WFDC8: variants seen among roughly 807,000 people sequenced by gnomAD.
WFDC8 encodes the protein WAP four-disulfide core domain 8.
In WFDC8, 24 loss-of-function variants were observed where a neutral mutation model predicts 27.0. The observed-to-expected ratio is 0.89, with a 90% CI of 0.64 to 1.25. The LOEUF is 1.25. WFDC8 is among the 50% of genes most tolerant of loss of function. WFDC8 has a pLI of 0.00. For synonymous variants in WFDC8, 106 were observed against 99.7 expected, an observed-to-expected ratio of 1.06 and a Z score of -0.38; for missense variants, 287 against 295.9, an observed-to-expected ratio of 0.97 and a Z score of 0.22.
chr20:45,572,252 C>T (rs972974359), intron 1 of WFDC8, among the ~76,000 whole-genome samples: 4 of 151,954 alleles, frequency 2.6e-5, no homozygotes, highest in African/African-American at 9.7e-5. Flanking sequence ...AAAAAAGTAG[C>T]CGGGCGTGGT....
rs77410383 is a variant in WFDC8 at position 45,554,033 on chromosome 20, G to A, written c.446-757C>T. Among the ~76,000 whole-genome samples, 777 of 152,200 alleles carry A rather than the reference G, an allele frequency of 5.1e-3. 11 individuals are homozygous for A. The East Asian group carries it at 0.054, about 11-fold the overall frequency. On this transcript the variant is annotated intron_variant, in intron 4 of 5. Transcript: ENST00000289953. ...TGTTTTTGAGACAGGGTTTCCCACT[G>A]TCACTCAACGAAGCCTCAATTTCCC...
chr20:45,557,123 C>G (rs565344910), intron 3 of WFDC8, among the ~76,000 whole-genome samples: 1 of 152,314 alleles, frequency 6.6e-6, no homozygotes, highest in African/African-American at 2.4e-5. Flanking sequence ...CCACAACGCC[C>G]AACCACACGT....
At chr20:45,568,674 G>T in intron 1 of WFDC8, 1 of 536,736 alleles carries the variant, frequency 1.9e-6, no homozygotes. Context: ...ACAGATAGCA[G>T]GTGAACCACA....
At chr20:45,571,651 G>A (rs940220164) in intron 1 of WFDC8, among the ~76,000 whole-genome samples, 1 of 152,004 alleles carries the variant, frequency 6.6e-6, no homozygotes, top group Non-Finnish European at 1.5e-5. Context: ...CCCTGGCAAC[G>A]GCCTCTGATA....
At chr20:45,557,464 G>A (rs757651836) in intron 3 of WFDC8, among the ~76,000 whole-genome samples, 18 of 151,768 alleles carry the variant, frequency 1.2e-4, no homozygotes, top group Non-Finnish European at 2.5e-4. Flanking sequence ...AAGGAGTCTC[G>A]CTGTGTCACC....
Position 45,551,919 on chromosome 20 carries a change from G to T in WFDC8, c.*107C>A. The stretch of plus-strand genomic sequence containing the variant: ...AATCAAAGTAACATCATTCAATATT[G>T]TGATACTTAAGATAATTTGGCAAGT... On this transcript the variant is annotated 3_prime_UTR_variant, in exon 6 of 6. Transcript: ENST00000289953. 3 of 1,277,964 alleles carry T rather than the reference G, an allele frequency of 2.3e-6. No homozygotes were observed. Among genetic ancestry groups the T allele is most frequent in the Non-Finnish European group, 3.3e-6 (3 of 916,358 alleles). The allele number at this position is 1,277,964 out of a possible 1,614,324, so 79.2% of individuals were successfully genotyped here.
At chr20:45,553,329 C>G (rs530069524) in intron 4 of WFDC8, 53 bp from the exon 5 acceptor site, 1 of 1,572,558 alleles carries the variant, frequency 6.4e-7, no homozygotes, top group East Asian at 2.2e-5. Context: ...ATCCCACCAC[C>G]CTTCAAAGAG....
intron 1 of WFDC8, chr20:45,568,144 C>G: frequency 2.8e-6 from 1 of 353,938 alleles, no homozygotes; most frequent in Non-Finnish European, 5.7e-6. Context: ...ATTTCCACTA[C>G]CCAATTTCCA....
intron 1 of WFDC8, among the ~76,000 whole-genome samples, chr20:45,569,590 A>G (rs1044340305): frequency 6.6e-6 from 1 of 152,194 alleles, no homozygotes. Context: ...GGCATTGCCT[A>G]GGTTGTCTTT....
intron 1 of WFDC8, among the ~76,000 whole-genome samples, chr20:45,566,556 G>A (rs1181224062): frequency 1.3e-5 from 2 of 152,054 alleles, no homozygotes; most frequent in African/African-American, 4.8e-5. Context: ...CCAGCTACTC[G>A]GGAGGCTGAG....
Position 45,558,888 on chromosome 20 carries a change from A to T in WFDC8, c.241T>A (p.Phe81Ile). 4 of 1,614,174 alleles carry T rather than the reference A, an allele frequency of 2.5e-6. No individual in the cohort carries two copies. The highest frequency in any genetic ancestry group is 3.4e-6 in the Non-Finnish European group (4 of 1,180,014). Residue 81 changes from phenylalanine (F) to isoleucine (I), a missense_variant, in exon 3 of 6, where the codon TTT (phenylalanine) becomes ATT (isoleucine). By Grantham distance (21) the Phe-to-Ile change is conservative (BLOSUM62 0). Transcript: ENST00000289953. ...DCKEYQKCCFFACQKKCMDPF... is the reference protein window; with the variant it reads ...DCKEYQKCCFIACQKKCMDPF... ...TCCATGCACTTCTTCTGACAGGCAA[A>T]AAAGCAGCACTTCTGGTATTCCTTG...
intron 1 of WFDC8, among the ~76,000 whole-genome samples, chr20:45,578,023 AT>A (rs1981105909): frequency 1.7e-5 from 1 of 58,450 alleles, no homozygotes; most frequent in Admixed American, 1.7e-4. Context: ...AACAAAAAAA[AT>A]AAAAATAAAA....
Position 45,579,175 on chromosome 20 carries a change from C to T in WFDC8, c.26+47G>A, listed in dbSNP as rs369117495. 240 of 1,601,472 alleles carry T rather than the reference C, an allele frequency of 1.5e-4. 1 individual carries two copies. The highest frequency in any genetic ancestry group is 8.3e-4 in the Middle Eastern group (5 of 6,034). The stretch of plus-strand genomic sequence containing the variant: ...TGTATCCTCCTCATCTCCTTGGGCT[C>T]AGACCCTCCATGTCTGGCTACCCAC... On this transcript the variant is annotated intron_variant, in intron 1 of 5. Coordinates refer to ENST00000289953, the MANE Select transcript of WFDC8 (RefSeq NM_130896.3).
Position 45,553,050 on chromosome 20 carries a change from T to C in WFDC8, c.586+86A>G, listed in dbSNP as rs1980097827. ...AGATGAGCCCAAGGAGCATCTGAGGTTCAAGACACCCCCCACTCCATGGAG... is the reference window on the plus strand; with the variant it reads ...AGATGAGCCCAAGGAGCATCTGAGGCTCAAGACACCCCCCACTCCATGGAG... On this transcript the variant is annotated intron_variant, in intron 5 of 5. Transcript: ENST00000289953. The C allele has an allele frequency of 2.0e-6, 3 of 1,507,228 alleles. No homozygotes were observed. The East Asian group carries it at 6.9e-5, about 35-fold the overall frequency. 93.4% of individuals were successfully genotyped at this position (1,507,228 alleles called of 1,614,324 possible).
intron 2 of WFDC8, among the ~76,000 whole-genome samples, chr20:45,561,750 G>C (rs772426328): frequency 0.016 from 2,411 of 149,892 alleles, 89 homozygotes; most frequent in Admixed American, 0.099. Flanking sequence ...GTGTGTGTGT[G>C]TGTGTGTGTG....
rs761137504 is a variant in WFDC8 at position 45,552,022 on chromosome 20, C to T, written c.*4G>A. ...TTTTGATGATAATATTTTCTACTTA[C>T]TATTCAACGTCTGGGGTCCATACAT... On this transcript the variant is annotated 3_prime_UTR_variant, in exon 6 of 6. Transcript: ENST00000289953. 2 of 1,612,986 alleles carry T rather than the reference C, an allele frequency of 1.2e-6. No homozygotes were observed. The highest frequency in any genetic ancestry group is 1.7e-6 in the Non-Finnish European group (2 of 1,179,606).
At chr20:45,569,798 A>G (rs534206936) in intron 1 of WFDC8, among the ~76,000 whole-genome samples, 3 of 152,304 alleles carry the variant, frequency 2.0e-5, no homozygotes, top group African/African-American at 4.8e-5. Context: ...ATGTCCATCA[A>G]TGGTAGACTG....
chr20:45,568,789 T>C, intron 1 of WFDC8: 1 of 437,556 alleles, frequency 2.3e-6, no homozygotes, highest in Middle Eastern at 6.5e-4. Context: ...CAAAACAACA[T>C]GTCTTCACAC....
chr20:45,564,101 G>A (rs1234663998), intron 1 of WFDC8, among the ~76,000 whole-genome samples: 1 of 152,090 alleles, frequency 6.6e-6, no homozygotes, highest in Non-Finnish European at 1.5e-5. Flanking sequence ...ATTTTGGTTG[G>A]ACTGGGGTTT....
Sources: allele counts gnomAD v4.1 joint callset (sites outside exome capture counted in the v4.1 genomes callset), GRCh38; gene constraint gnomAD v4.1.1; transcripts MANE v1.5; gene names NCBI Gene and HGNC (gene_info 2026-07-23, HGNC 2026-07-21).